AGL: variants seen among roughly 807,000 people sequenced by gnomAD.
AGL encodes glycogen debranching enzyme.
AGL carries 128 observed loss-of-function variants against 199.3 expected under a neutral mutation model. The observed-to-expected ratio is 0.64, with a 90% CI of 0.56 to 0.74. The LOEUF (loss-of-function observed/expected upper bound fraction) is 0.74. AGL is among the 30% of genes least tolerant of loss of function. The pLI is 0.00. For missense variants in AGL, 1,809 were observed against 1,820.8 expected (o/e 0.99, Z 0.12); for synonymous variants, 584 against 594.7 (o/e 0.98, Z 0.26).
At chr1:99,917,215 A>G (rs1655190909) in intron 33 of AGL, among the ~76,000 whole-genome samples, 1 of 152,206 alleles carries the variant, frequency 6.6e-6, no homozygotes, top group African/African-American at 2.4e-5. Flanking sequence ...AGAGTTACGT[A>G]TCTTTATAAG....
intron 27 of AGL, among the ~76,000 whole-genome samples, chr1:99,905,599 A>G (rs1654221105): frequency 6.6e-6 from 1 of 152,174 alleles, no homozygotes; most frequent in Admixed American, 6.5e-5. Flanking sequence ...TTTTAGAGAC[A>G]GGGTCCCACT....
At chr1:99,895,739 G>C (rs750332555) in intron 24 of AGL, among the ~76,000 whole-genome samples, 7 of 152,132 alleles carry the variant, frequency 4.6e-5, no homozygotes, top group Non-Finnish European at 8.8e-5. Flanking sequence ...CTTTGGGAAA[G>C]CAAGTTGGGC....
chr1:99,870,711 AATAAGT>A, intron 6 of AGL, 41 bp from the exon 7 acceptor site: 1 of 1,426,196 alleles, frequency 7.0e-7, no homozygotes, highest in African/African-American at 1.4e-5. Flanking sequence ...ACTGATTTTA[AATAAGT>A]ATATGTATAT....
chr1:99,877,769 A>G lies in AGL; in HGVS notation c.1552A>G (p.Thr518Ala), dbSNP rs754606378. 3.0e-5 allele frequency: 48 copies of G among 1,613,986 alleles called. No individual in the cohort carries two copies. Among genetic ancestry groups the G allele is most frequent in the Admixed American group, 5.0e-5 (3 of 60,006 alleles). The change falls in exon 12 of 34, where the codon ACT becomes GCT. Residue 518 changes from threonine (T) to alanine (A), a missense_variant. Coordinates refer to ENST00000361915, the MANE Select transcript of AGL (RefSeq NM_000642.3). ...HMKKYTEITA[T>A]YFQGVRLDNC... ...GAAAAAATACACTGAAATAACTGCA[A>G]CTTATTTCCAGGGAGTACGTCTTGA...
At chr1:99,862,711 G>T (rs1249055238) in intron 4 of AGL, among the ~76,000 whole-genome samples, 2 of 152,050 alleles carry the variant, frequency 1.3e-5, no homozygotes, top group Non-Finnish European at 2.9e-5. Context: ...AGTGGGAGGT[G>T]CTACGTGCTT....
chr1:99,891,039 A>G (rs1321046209), intron 21 of AGL, among the ~76,000 whole-genome samples, 181 bp from the exon 22 acceptor site: 1 of 152,116 alleles, frequency 6.6e-6, no homozygotes, highest in Non-Finnish European at 1.5e-5. Flanking sequence ...TCAAGCCAGT[A>G]TTGTCATACT....
intron 27 of AGL, among the ~76,000 whole-genome samples, chr1:99,907,737 C>T (rs912396880): frequency 7.6e-6 from 1 of 132,056 alleles, no homozygotes. Flanking sequence ...GAGGTGGTAT[C>T]TAATGGTTTT....
chr1:99,897,348 C>T (rs1570474704), intron 25 of AGL, among the ~76,000 whole-genome samples: 1 of 152,136 alleles, frequency 6.6e-6, no homozygotes. Context: ...TTCACAAGGT[C>T]TCTGGATGAT....
chr1:99,922,698 A>T lies in AGL; in HGVS notation c.*1047A>T, dbSNP rs886044930. 1 of 152,004 alleles carries T rather than the reference A, an allele frequency of 6.6e-6. No individual in the cohort carries two copies. Among genetic ancestry groups the T allele is most frequent in the Admixed American group, 6.6e-5 (1 of 15,256 alleles). The allele number at this position is 152,004 out of a possible 1,614,324, so 9.4% of individuals were successfully genotyped here. A position where few individuals can be genotyped will look rare whatever the true frequency, so the allele number is the denominator to read the frequency against. On this transcript the variant is annotated 3_prime_UTR_variant, in exon 34 of 34. Coordinates refer to ENST00000361915, the MANE Select transcript of AGL (RefSeq NM_000642.3). Reference sequence around the variant, plus strand: ...CATTTACATGAGTTAACATTTTTTCATAGAACTTATTTCCTAGATAGAATT... The same window carrying T: ...CATTTACATGAGTTAACATTTTTTCTTAGAACTTATTTCCTAGATAGAATT...
Position 99,861,669 on chromosome 1 carries a change from T to C in AGL, c.249T>C (p.Leu83=), listed in dbSNP as rs777896898. Residue 83 remains leucine (L), a synonymous_variant, in exon 3 of 34, where the codon CTT becomes CTC. Transcript: ENST00000361915. ...REDDSDKYCK[L]NLQQSGSFQY... ...ATGATTCTGATAAATACTGTAAACT[T>C]AATCTGCAACAATCTGGTTCATTTC... 1.2e-5 allele frequency: 19 copies of C among 1,613,546 alleles called. No homozygotes were observed. The highest frequency in any genetic ancestry group is 1.3e-5 in the African/African-American group (1 of 74,924).
In AGL at chr1:99,881,691, G is replaced by C. The variant is rs149914040; in HGVS notation, c.2308G>C (p.Gly770Arg). 284 of 1,612,992 alleles carry C rather than the reference G, an allele frequency of 1.8e-4. 1 individual carries two copies. The highest frequency in any genetic ancestry group is 2.3e-4 in the Non-Finnish European group (273 of 1,179,414). ...SKEVPQMCIP[G>R]KIEEVVLEAR... ...GGAAGTGCCTCAAATGTGCATCCCT[G>C]GTAATGCAATCTAAAAATTGTTACT... Residue 770 changes from glycine to arginine, a missense_variant and splice_region_variant, in exon 17 of 34, where the codon GGC becomes CGC. Physicochemically the swap from Gly to Arg is moderately radical, Grantham distance 125 (BLOSUM62 -2). Coordinates refer to ENST00000361915, the MANE Select transcript of AGL (RefSeq NM_000642.3).
intron 27 of AGL, among the ~76,000 whole-genome samples, chr1:99,905,019 A>C (rs1050930057): frequency 1.3e-5 from 2 of 152,292 alleles, no homozygotes; most frequent in African/African-American, 4.8e-5. Context: ...TTCATATAGT[A>C]AGTATATGTT....
intron 13 of AGL, 103 bp from the exon 14 acceptor site, chr1:99,880,529 A>G (rs907248502): frequency 2.3e-6 from 3 of 1,316,306 alleles, no homozygotes; most frequent in African/African-American, 1.5e-5. Context: ...TTTTTATAAT[A>G]TTGATGTGGT....
At chr1:99,880,926 T>C in intron 14 of AGL, 131 bp downstream of exon 14, 3 of 1,281,462 alleles carry the variant, frequency 2.3e-6, no homozygotes, top group Non-Finnish European at 3.4e-6. Flanking sequence ...TTATAATACA[T>C]AGTTTTCAGA....
chr1:99,879,255 C>T (rs1651811978), intron 12 of AGL, among the ~76,000 whole-genome samples: 1 of 152,090 alleles, frequency 6.6e-6, no homozygotes, highest in African/African-American at 2.4e-5. Flanking sequence ...ATTATTTAGT[C>T]AACCACCTGG....
At chr1:99,908,347 G>A (rs1367125742) in intron 27 of AGL, among the ~76,000 whole-genome samples, 2 of 152,082 alleles carry the variant, frequency 1.3e-5, no homozygotes, top group Admixed American at 6.5e-5. Context: ...GTTTATTTCT[G>A]GGTTCTCTGT....
intron 29 of AGL, among the ~76,000 whole-genome samples, chr1:99,913,178 C>T (rs2100857451): frequency 6.6e-6 from 1 of 151,612 alleles, no homozygotes; most frequent in East Asian, 1.9e-4. Flanking sequence ...CAAGTTCATA[C>T]TACTGCACTC....
chr1:99,874,565 G>T, intron 7 of AGL, 122 bp from the exon 8 acceptor site: 1 of 985,564 alleles, frequency 1.0e-6, no homozygotes, highest in Non-Finnish European at 1.5e-6. Flanking sequence ...GAGGATACCT[G>T]TGAAATAAAT....
At chr1:99,903,918 G>A (rs1279954651) in intron 27 of AGL, among the ~76,000 whole-genome samples, 5 of 152,106 alleles carry the variant, frequency 3.3e-5, no homozygotes, top group Non-Finnish European at 7.4e-5. Context: ...GTGTCTGTTG[G>A]CTGCATAGAT....
Sources: gnomAD v4.1 joint callset for allele counts (sites outside exome capture counted in the v4.1 genomes callset) on GRCh38, gnomAD v4.1.1 for gene constraint, MANE v1.5 for transcripts, NCBI Gene and HGNC (gene_info 2026-07-23, HGNC 2026-07-21) for gene names.